Variants in IL1RAPL1 observed in about 807,000 individuals in gnomAD.
IL1RAPL1 encodes the protein interleukin-1 receptor accessory protein-like 1.
A neutral mutation model predicts 48.4 loss-of-function variants in IL1RAPL1; 3 were observed. The observed-to-expected ratio is 0.06, with a 90% confidence interval of 0.03 to 0.16. IL1RAPL1 has a LOEUF of 0.16. Among genes scored for constraint, IL1RAPL1 ranks in the 10% least tolerant of loss-of-function variants. The probability of loss-of-function intolerance (pLI) is 1.00; values close to 1 mark genes in which losing one functional copy is unlikely to be tolerated. For synonymous variants in IL1RAPL1, 185 were observed against 187.7 expected (o/e 0.99, Z 0.12); for missense variants, 349 against 530.6 (o/e 0.66, Z 3.36).
chrX:29,059,938 A>T lies in IL1RAPL1; in HGVS notation c.83-223000A>T, dbSNP rs192576196. ...TTGAGTATCAGATGTCTCTGTTCTT[A>T]GCAACTTTCCTTGCTTGTGGAAATC... On this transcript the variant is annotated intron_variant, in intron 2 of 10. Transcript: ENST00000378993. Among the ~76,000 whole-genome samples the T allele has an allele frequency of 9.8e-5, 11 of 111,789 alleles. No individual in the cohort carries two copies. The East Asian group carries it at 3.1e-3, about 32-fold the overall frequency.
At chrX:28,615,559 G>A (rs1180791082) in intron 1 of IL1RAPL1, among the ~76,000 whole-genome samples, 1 of 110,595 alleles carries the variant, frequency 9.0e-6, no homozygotes. Context: ...GATGATAAAA[G>A]CCATCAACAG....
intron 5 of IL1RAPL1, among the ~76,000 whole-genome samples, chrX:29,594,150 C>G (rs1037048799): frequency 8.9e-6 from 1 of 112,418 alleles, no homozygotes; most frequent in African/African-American, 3.2e-5. Context: ...AACAGAGAAT[C>G]TGGCTTATCT....
intron 2 of IL1RAPL1, among the ~76,000 whole-genome samples, chrX:28,961,145 G>A (rs188650296): frequency 1.8e-5 from 2 of 109,755 alleles, no homozygotes; most frequent in Admixed American, 9.8e-5. Flanking sequence ...AGCTACGGAA[G>A]GGTTTGAGTC....
At chrX:29,187,765 C>T (rs1444254496) in intron 2 of IL1RAPL1, among the ~76,000 whole-genome samples, 1 of 111,637 alleles carries the variant, frequency 9.0e-6, no homozygotes, top group African/African-American at 3.3e-5. Flanking sequence ...ATCCCGTTTT[C>T]ACCCCTTACT....
chrX:29,917,800 A>T (rs1422219427), intron 7 of IL1RAPL1, among the ~76,000 whole-genome samples: 3 of 110,038 alleles, frequency 2.7e-5, no homozygotes, highest in African/African-American at 6.6e-5. Context: ...AGAATTTAAG[A>T]AAAATAACGA....
chrX:29,660,470 A>C (rs1258826677), intron 5 of IL1RAPL1, among the ~76,000 whole-genome samples: 1 of 111,974 alleles, frequency 8.9e-6, no homozygotes, highest in Non-Finnish European at 1.9e-5. Flanking sequence ...TTATACTTTC[A>C]AGTCTTATAT....
At chrX:28,720,493 A>C (rs909715339) in intron 1 of IL1RAPL1, among the ~76,000 whole-genome samples, 1 of 112,234 alleles carries the variant, frequency 8.9e-6, no homozygotes, top group Non-Finnish European at 1.9e-5. Context: ...CCCCTGGTTC[A>C]TGGCATTCTA....
intron 6 of IL1RAPL1, among the ~76,000 whole-genome samples, chrX:29,877,470 A>G (rs757423007): frequency 5.8e-4 from 65 of 112,214 alleles, no homozygotes; most frequent in African/African-American, 2.0e-3. Flanking sequence ...TATAAATACA[A>G]TATACAAATA....
chrX:28,927,344 C>A (rs901768341), intron 2 of IL1RAPL1, among the ~76,000 whole-genome samples: 3 of 111,920 alleles, frequency 2.7e-5, no homozygotes, highest in African/African-American at 9.7e-5. Context: ...TCTCTCTCCT[C>A]CTTCAATATC....
chrX:28,894,700 C>G (rs1421888845), intron 2 of IL1RAPL1, among the ~76,000 whole-genome samples: 1 of 110,818 alleles, frequency 9.0e-6, no homozygotes, highest in Non-Finnish European at 1.9e-5. Flanking sequence ...GCAGTGGCAG[C>G]CGCTGCACGC....
chrX:29,498,945 A>C (rs935616129), intron 5 of IL1RAPL1, among the ~76,000 whole-genome samples: 10 of 112,372 alleles, frequency 8.9e-5, no homozygotes, highest in Non-Finnish European at 1.5e-4. Context: ...ACAGATGAAT[A>C]GCAGCAATAA....
At chrX:28,902,129 T>C in intron 2 of IL1RAPL1, among the ~76,000 whole-genome samples, 1 of 111,351 alleles carries the variant, frequency 9.0e-6, no homozygotes, top group Non-Finnish European at 1.9e-5. Flanking sequence ...CTCCCATTCA[T>C]GTTTGTTCAT....
chrX:29,360,569 C>CT (rs755749130), intron 3 of IL1RAPL1, among the ~76,000 whole-genome samples: 15 of 111,359 alleles, frequency 1.3e-4, no homozygotes, highest in East Asian at 1.1e-3. Flanking sequence ...TTTTAGCTTC[C>CT]TTTTTTTTAC....
At chrX:29,598,838 A>C (rs1349429361) in intron 5 of IL1RAPL1, among the ~76,000 whole-genome samples, 1 of 111,897 alleles carries the variant, frequency 8.9e-6, no homozygotes, top group Non-Finnish European at 1.9e-5. Context: ...CTGATATAAG[A>C]ATAGCTACCC....
intron 1 of IL1RAPL1, among the ~76,000 whole-genome samples, chrX:28,785,603 G>C (rs1042960862): frequency 9.0e-6 from 1 of 111,438 alleles, no homozygotes; most frequent in Non-Finnish European, 1.9e-5. Context: ...TAAGCCCCAG[G>C]GTGGATAATG....
At chrX:28,606,352 C>A (rs1006107874) in intron 1 of IL1RAPL1, among the ~76,000 whole-genome samples, 7 of 112,125 alleles carry the variant, frequency 6.2e-5, no homozygotes, top group Non-Finnish European at 1.1e-4. Flanking sequence ...TATGAAGTGT[C>A]TCATGGCGTA....
intron 2 of IL1RAPL1, among the ~76,000 whole-genome samples, chrX:28,858,206 G>A (rs996758835): frequency 8.9e-6 from 1 of 112,091 alleles, no homozygotes; most frequent in Non-Finnish European, 1.9e-5. Flanking sequence ...AATGAAAGTG[G>A]TTTCTTAAGA....
chrX:29,609,186 C>G (rs1013991852), intron 5 of IL1RAPL1, among the ~76,000 whole-genome samples: 3 of 111,462 alleles, frequency 2.7e-5, no homozygotes, highest in Non-Finnish European at 5.6e-5. Flanking sequence ...TAATTTCTGT[C>G]ACCACTACTC....
At chrX:29,413,251 C>T (rs908869414) in intron 5 of IL1RAPL1, among the ~76,000 whole-genome samples, 3 of 112,172 alleles carry the variant, frequency 2.7e-5, no homozygotes, top group Non-Finnish European at 5.6e-5. Flanking sequence ...TCCATTAAAC[C>T]GCTTTCCTTT....
Sources: gnomAD v4.1 joint callset for allele counts (sites outside exome capture counted in the v4.1 genomes callset) on GRCh38, gnomAD v4.1.1 for gene constraint, MANE v1.5 for transcripts, NCBI Gene and HGNC (gene_info 2026-07-23, HGNC 2026-07-21) for gene names.